The following GATAD2A variants were observed in gnomAD, a reference collection of about 807,000 sequenced individuals.
GATAD2A encodes transcriptional repressor p66-alpha.
In GATAD2A, 12 loss-of-function variants were observed where a neutral mutation model predicts 68.5. That is an observed-to-expected ratio of 0.18 (90% confidence interval 0.11 to 0.28). The LOEUF is 0.28. GATAD2A is among the 10% of genes least tolerant of loss of function. GATAD2A has a pLI of 1.00. For missense variants in GATAD2A, 755 were observed against 868.5 expected, an observed-to-expected ratio of 0.87 and a Z score of 1.64; for synonymous variants, 410 against 375.3, an observed-to-expected ratio of 1.09 and a Z score of -1.07.
intron 1 of GATAD2A, chr19:19,465,033 G>C (rs1397851813): frequency 2.7e-5 from 12 of 451,908 alleles, no homozygotes; most frequent in Admixed American, 1.8e-4. Context: ...CTGATAAGCA[G>C]CCACCTTCCA....
rs565775088 is a variant in GATAD2A at position 19,448,681 on chromosome 19, G to T, written c.-6-16659G>T. On this transcript the variant is annotated intron_variant, in intron 1 of 11. Transcript: ENST00000683918. ...TTTTAAATTTTTTTTGTAGAGATGG[G>T]GTTTCACCACGTTGGCCAGGCTGGT... Among the ~76,000 whole-genome samples, 5 of 152,160 alleles carry T rather than the reference G, an allele frequency of 3.3e-5. No homozygotes were observed. The South Asian group carries it at 8.3e-4, about 25-fold the overall frequency.
intron 1 of GATAD2A, among the ~76,000 whole-genome samples, chr19:19,427,112 AG>A (rs1295368674): frequency 6.8e-6 from 1 of 146,042 alleles, no homozygotes; most frequent in East Asian, 2.0e-4. Context: ...AGAAGGAAGA[AG>A]GGGGGTTGCC....
At chr19:19,416,751 T>G (rs1260736591) in intron 1 of GATAD2A, among the ~76,000 whole-genome samples, 2 of 147,724 alleles carry the variant, frequency 1.4e-5, no homozygotes, top group African/African-American at 2.5e-5. Flanking sequence ...CTCTTGGTTG[T>G]TTTTTTTTTT....
Position 19,483,575 on chromosome 19 carries a change from G to A in GATAD2A, c.270-8731G>A, listed in dbSNP as rs1022148887. On this transcript the variant is annotated intron_variant, in intron 2 of 11. Coordinates refer to ENST00000683918, the MANE Select transcript of GATAD2A (RefSeq NM_001384528.1). ...AGGTGGGCCTCAGGGCATGGGGAGC[G>A]GGGTGACTCGGGAGGACACCAGACA... 6.6e-5 allele frequency among the ~76,000 whole-genome samples: 10 copies of A among 152,166 alleles called. No homozygotes were observed. The South Asian group carries it at 2.1e-3, about 32-fold the overall frequency.
chr19:19,462,385 C>A (rs922173661), intron 1 of GATAD2A, among the ~76,000 whole-genome samples: 1 of 152,224 alleles, frequency 6.6e-6, no homozygotes, highest in Non-Finnish European at 1.5e-5. Flanking sequence ...GCCCCCTGCA[C>A]TCGGGGGCTG....
rs537998849 is a variant in GATAD2A at position 19,471,241 on chromosome 19, C to T, written c.269+5627C>T. Among the ~76,000 whole-genome samples the T allele has an allele frequency of 6.9e-5, 8 of 115,872 alleles. No homozygotes were observed. In the East Asian group the frequency reaches 2.0e-3, roughly 28 times the overall value. 76.0% of individuals were successfully genotyped at this position (115,872 alleles called of 152,430 possible). ...GCTGTACTCCAGCCTGGTGACAGAA[C>T]AAGACTGTCTCAAAAAAAAAAAAAA... On this transcript the variant is annotated intron_variant, in intron 2 of 11. Transcript: ENST00000683918.
chr19:19,494,104 A>G (rs1160317441), intron 4 of GATAD2A, among the ~76,000 whole-genome samples, 190 bp from the exon 5 acceptor site: 2 of 152,192 alleles, frequency 1.3e-5, no homozygotes, highest in Non-Finnish European at 2.9e-5. Context: ...TTCTAGGCCC[A>G]TGTAGAAATT....
At chr19:19,439,862 CAAAA>C (rs1457511008) in intron 1 of GATAD2A, among the ~76,000 whole-genome samples, 1 of 151,962 alleles carries the variant, frequency 6.6e-6, no homozygotes, top group Non-Finnish European at 1.5e-5. Flanking sequence ...AACAAACAAA[CAAAA>C]AACACAAAAA....
At chr19:19,465,314 T>G (rs1204859256) in intron 1 of GATAD2A, 26 bp from the exon 2 acceptor site, 1 of 1,589,612 alleles carries the variant, frequency 6.3e-7, no homozygotes, top group South Asian at 1.1e-5. Context: ...CCAGTTAAAA[T>G]GTTGTGTCTT....
chr19:19,503,008 TAGTGGAGGC>T (rs781772488), intron 11 of GATAD2A, among the ~76,000 whole-genome samples: 7 of 151,788 alleles, frequency 4.6e-5, no homozygotes, highest in Non-Finnish European at 7.4e-5. Context: ...CCGGGGCAGG[TAGTGGAGGC>T]CTTGCCGGAG....
intron 1 of GATAD2A, among the ~76,000 whole-genome samples, chr19:19,411,775 C>T (rs1281920876): frequency 6.6e-6 from 1 of 152,194 alleles, no homozygotes; most frequent in Non-Finnish European, 1.5e-5. Flanking sequence ...CAGCCTTTGC[C>T]TCTCCATTTA....
rs548408840 is a variant in GATAD2A at position 19,495,684 on chromosome 19, A to G, written c.625-70A>G. 6 of 1,460,724 alleles carry G rather than the reference A, an allele frequency of 4.1e-6. No homozygotes were observed. The East Asian group carries it at 1.2e-4, about 28-fold the overall frequency. The allele number at this position is 1,460,724 out of a possible 1,614,324, so 90.5% of individuals were successfully genotyped here. ...GTATGTACTTTCATAAAAGCAGCAA[A>G]ACTGCTTGCTTTAAAAAAAGTGTGG... On this transcript the variant is annotated intron_variant, in intron 5 of 11. Transcript: ENST00000683918.
chr19:19,427,089 A>G (rs1436164878), intron 1 of GATAD2A, among the ~76,000 whole-genome samples: 1 of 151,876 alleles, frequency 6.6e-6, no homozygotes, highest in Non-Finnish European at 1.5e-5. Context: ...TAGACTCTCA[A>G]ATTCTTAAAG....
At chr19:19,396,717 T>C (rs1432731931) in intron 1 of GATAD2A, among the ~76,000 whole-genome samples, 1 of 152,178 alleles carries the variant, frequency 6.6e-6, no homozygotes, top group African/African-American at 2.4e-5. Flanking sequence ...TCTTTCTTTC[T>C]TTCTTTTTTT....
intron 1 of GATAD2A, among the ~76,000 whole-genome samples, chr19:19,408,141 C>A (rs948693402): frequency 6.6e-6 from 1 of 152,094 alleles, no homozygotes; most frequent in African/African-American, 2.4e-5. Flanking sequence ...TTGGGACTAC[C>A]ATGCCCGGCT....
At chr19:19,436,656 G>A (rs541657829) in intron 1 of GATAD2A, among the ~76,000 whole-genome samples, 1 of 152,376 alleles carries the variant, frequency 6.6e-6, no homozygotes, top group East Asian at 1.9e-4. Flanking sequence ...CGTGCCTCAT[G>A]GCAAAGCTAA....
intron 1 of GATAD2A, among the ~76,000 whole-genome samples, chr19:19,449,393 A>C (rs566061334): frequency 2.6e-5 from 4 of 152,096 alleles, no homozygotes; most frequent in African/African-American, 4.8e-5. Context: ...TTTTAGAGAC[A>C]GGGTCCAGGC....
intron 1 of GATAD2A, among the ~76,000 whole-genome samples, chr19:19,451,217 C>CAA (rs76501212): frequency 1.5e-5 from 2 of 131,256 alleles, no homozygotes; most frequent in Admixed American, 1.5e-4. Flanking sequence ...TAGTAAAATA[C>CAA]AAAAAAAAAA....
intron 2 of GATAD2A, among the ~76,000 whole-genome samples, chr19:19,481,528 G>A (rs1371589426): frequency 6.6e-6 from 1 of 152,086 alleles, no homozygotes; most frequent in Non-Finnish European, 1.5e-5. Context: ...GTCTCACTGT[G>A]TTGCCCAGGC....
Sources: gnomAD v4.1 joint callset for allele counts (sites outside exome capture counted in the v4.1 genomes callset) on GRCh38, gnomAD v4.1.1 for gene constraint, MANE v1.5 for transcripts, NCBI Gene and HGNC (gene_info 2026-07-23, HGNC 2026-07-21) for gene names.